Variants in PRKCA observed in about 807,000 individuals in gnomAD.
The protein encoded by PRKCA is protein kinase C alpha type.
PRKCA carries 27 observed loss-of-function variants against 87.0 expected under a neutral mutation model. That is an observed-to-expected ratio of 0.31 (90% CI 0.23 to 0.43). PRKCA has a LOEUF of 0.43. Among genes scored for constraint, PRKCA ranks in the 20% least tolerant of loss-of-function variants. The pLI is 1.00. For missense variants in PRKCA, 518 were observed against 852.3 expected (o/e 0.61, Z 4.88); for synonymous variants, 329 against 311.1 (o/e 1.06, Z -0.61).
At chr17:66,653,726 C>T (rs1423911400) in intron 5 of PRKCA, among the ~76,000 whole-genome samples, 2 of 149,568 alleles carry the variant, frequency 1.3e-5, no homozygotes, top group African/African-American at 2.5e-5. Context: ...CCACTCTCCT[C>T]GATCTGGGGG....
intron 2 of PRKCA, among the ~76,000 whole-genome samples, chr17:66,356,052 C>T (rs1047807384): frequency 3.0e-4 from 46 of 152,132 alleles, no homozygotes; most frequent in African/African-American, 1.1e-3. Flanking sequence ...GCACGTGCCA[C>T]CAAGTCCAGC....
intron 2 of PRKCA, among the ~76,000 whole-genome samples, chr17:66,455,503 T>C (rs1431915605): frequency 3.3e-5 from 5 of 152,230 alleles, no homozygotes; most frequent in Non-Finnish European, 7.3e-5. Context: ...TTTATGATCA[T>C]TTATCATTCC....
chr17:66,538,028 T>G (rs1967848272), intron 3 of PRKCA, among the ~76,000 whole-genome samples: 1 of 152,162 alleles, frequency 6.6e-6, no homozygotes, highest in South Asian at 2.1e-4. Context: ...GCTGGTCTCC[T>G]GAGCTCAGGC....
chr17:66,400,354 G>A (rs889714556), intron 2 of PRKCA, among the ~76,000 whole-genome samples: 1 of 152,192 alleles, frequency 6.6e-6, no homozygotes, highest in Admixed American at 6.5e-5. Context: ...GTTTTGCCAT[G>A]TTGGCCAGGC....
At chr17:66,364,328 A>G (rs1445965759) in intron 2 of PRKCA, 1 of 152,246 alleles carries the variant, frequency 6.6e-6, no homozygotes, top group African/African-American at 2.4e-5. Context: ...TCAATCAATC[A>G]GTAAATTCAT....
chr17:66,554,032 GACC>G (rs1968421526), intron 3 of PRKCA, among the ~76,000 whole-genome samples: 1 of 152,126 alleles, frequency 6.6e-6, no homozygotes, highest in Non-Finnish European at 1.5e-5. Context: ...AGAAGTACAA[GACC>G]TGTAAGTGAA....
At chr17:66,664,277 C>G (rs1489282845) in intron 5 of PRKCA, among the ~76,000 whole-genome samples, 1 of 152,166 alleles carries the variant, frequency 6.6e-6, no homozygotes, top group Non-Finnish European at 1.5e-5. Context: ...GAGGCCCACT[C>G]AGCGAAGCCC....
chr17:66,310,390 G>T (rs1905036448), intron 2 of PRKCA, among the ~76,000 whole-genome samples: 1 of 152,090 alleles, frequency 6.6e-6, no homozygotes, highest in South Asian at 2.1e-4. Flanking sequence ...TGAGGGGTCT[G>T]CTGGGAAAGA....
intron 2 of PRKCA, among the ~76,000 whole-genome samples, chr17:66,484,694 G>T (rs1567852739): frequency 6.6e-6 from 1 of 152,112 alleles, no homozygotes; most frequent in East Asian, 1.9e-4. Flanking sequence ...AAAGCAGAGA[G>T]AATAGTATAA....
intron 13 of PRKCA, among the ~76,000 whole-genome samples, chr17:66,753,139 C>T (rs1185279654): frequency 6.6e-6 from 1 of 152,234 alleles, no homozygotes; most frequent in Non-Finnish European, 1.5e-5. Flanking sequence ...GGCCTACAGG[C>T]TATGGTTTGT....
At chr17:66,785,630 C>T (rs1975364985) in intron 14 of PRKCA, among the ~76,000 whole-genome samples, 1 of 152,216 alleles carries the variant, frequency 6.6e-6, no homozygotes, top group South Asian at 2.1e-4. Flanking sequence ...GGACTACAGA[C>T]ATGCTGGAGG....
At chr17:66,417,112 C>G (rs958624416) in intron 2 of PRKCA, among the ~76,000 whole-genome samples, 1 of 151,992 alleles carries the variant, frequency 6.6e-6, no homozygotes, top group East Asian at 1.9e-4. Flanking sequence ...GTTGGCCAGG[C>G]TGGTCTCAAA....
At chr17:66,384,032 TC>T (rs1909915037) in intron 2 of PRKCA, among the ~76,000 whole-genome samples, 1 of 152,206 alleles carries the variant, frequency 6.6e-6, no homozygotes, top group Non-Finnish European at 1.5e-5. Flanking sequence ...CATTGCACTT[TC>T]CTATTTTTTA....
chr17:66,433,963 G>A (rs1913236397), intron 2 of PRKCA, among the ~76,000 whole-genome samples: 2 of 152,122 alleles, frequency 1.3e-5, no homozygotes, highest in Admixed American at 6.5e-5. Flanking sequence ...GCCTTGCCCT[G>A]GTCAGGCTTC....
intron 3 of PRKCA, among the ~76,000 whole-genome samples, chr17:66,618,353 CAAA>C (rs34535549): frequency 1.2e-3 from 167 of 134,168 alleles, no homozygotes; most frequent in Middle Eastern, 3.7e-3. Context: ...AACCCTATCG[CAAA>C]AAAAAAAAAA....
At chr17:66,390,971 C>T (rs1431612449) in intron 2 of PRKCA, among the ~76,000 whole-genome samples, 1 of 151,436 alleles carries the variant, frequency 6.6e-6, no homozygotes, top group Non-Finnish European at 1.5e-5. Flanking sequence ...AGAAATCAGA[C>T]CCTCCTGAAG....
chr17:66,446,001 A>G (rs1483209309), intron 2 of PRKCA, among the ~76,000 whole-genome samples: 1 of 151,916 alleles, frequency 6.6e-6, no homozygotes, highest in Non-Finnish European at 1.5e-5. Flanking sequence ...TTCTGTAGAG[A>G]CAGGGTTTTG....
chr17:66,717,189 A>C (rs1973498606), intron 8 of PRKCA, among the ~76,000 whole-genome samples: 1 of 152,230 alleles, frequency 6.6e-6, no homozygotes, highest in Non-Finnish European at 1.5e-5. Flanking sequence ...GGCAAGGGTC[A>C]TCGAACTGCA....
intron 2 of PRKCA, among the ~76,000 whole-genome samples, chr17:66,315,718 G>A (rs541285866): frequency 2.6e-5 from 4 of 152,136 alleles, no homozygotes; most frequent in Non-Finnish European, 5.9e-5. Context: ...GACCTCAGGT[G>A]ATCCGCCTGC....
Sources: allele counts gnomAD v4.1 joint callset (sites outside exome capture counted in the v4.1 genomes callset), GRCh38; gene constraint gnomAD v4.1.1; transcripts MANE v1.5; gene names NCBI Gene and HGNC (gene_info 2026-07-23, HGNC 2026-07-21).